The following AFG3L2 variants were observed in gnomAD, a reference collection of about 807,000 sequenced individuals.
The protein encoded by AFG3L2 is mitochondrial inner membrane m-AAA protease component AFG3L2.
AFG3L2 carries 54 observed loss-of-function variants against 94.5 expected under a neutral mutation model. The ratio of observed to expected loss-of-function variants is 0.57; its 90% CI spans 0.46 to 0.72. The LOEUF (loss-of-function observed/expected upper bound fraction) is 0.72. Ranked by LOEUF, AFG3L2 falls within the 30% of genes least tolerant of loss-of-function variation. The pLI is 0.00. For synonymous variants in AFG3L2, 377 were observed against 365.5 expected, an observed-to-expected ratio of 1.03 and a Z score of -0.36; for missense variants, 754 against 994.9, an observed-to-expected ratio of 0.76 and a Z score of 3.26.
At chr18:12,353,275 G>T in intron 9 of AFG3L2, 117 bp from the exon 10 acceptor site, 1 of 1,270,890 alleles carries the variant, frequency 7.9e-7, no homozygotes, top group Non-Finnish European at 1.1e-6. Context: ...AGCACTGTGG[G>T]AGGCCGAGGC....
intron 16 of AFG3L2, among the ~76,000 whole-genome samples, chr18:12,334,346 C>T (rs558570285): frequency 4.6e-5 from 7 of 152,290 alleles, no homozygotes; most frequent in Admixed American, 6.5e-5. Context: ...GACACTGAGA[C>T]TGTGGATGGG....
At chr18:12,360,579 C>T (rs1908628768) in intron 6 of AFG3L2, among the ~76,000 whole-genome samples, 2 of 152,184 alleles carry the variant, frequency 1.3e-5, no homozygotes, top group South Asian at 4.1e-4. Context: ...GCACCGCACC[C>T]CACTGTGCAA....
intron 12 of AFG3L2, among the ~76,000 whole-genome samples, chr18:12,349,111 T>G (rs993076099): frequency 2.6e-5 from 4 of 152,172 alleles, no homozygotes; most frequent in Non-Finnish European, 4.4e-5. Flanking sequence ...AAATAGGGAA[T>G]GGGAAAGGAT....
chr18:12,358,543 G>T, intron 8 of AFG3L2, 127 bp downstream of exon 8: 1 of 1,247,516 alleles, frequency 8.0e-7, no homozygotes, highest in Non-Finnish European at 1.1e-6. Context: ...GCAGAGGCTA[G>T]CCTAGTAAGC....
chr18:12,333,267 TATAA>T lies in AFG3L2; in HGVS notation c.2176-3488_2176-3485del, dbSNP rs1461751984. ...TTATATAAATATATAGATTATATAT[TATAA>T]ATATAGATTATATATAATATATAAA... On this transcript the variant is annotated intron_variant, in intron 16 of 16. Coordinates refer to ENST00000269143, the MANE Select transcript of AFG3L2 (RefSeq NM_006796.3). 3.1e-3 allele frequency among the ~76,000 whole-genome samples: 406 copies of T among 128,908 alleles called. 3 individuals carry two copies. The highest frequency in any genetic ancestry group is 0.019 in the South Asian group (88 of 4,608). 84.6% of individuals were successfully genotyped at this position (128,908 alleles called of 152,430 possible).
intron 16 of AFG3L2, among the ~76,000 whole-genome samples, chr18:12,331,816 T>A (rs1163848050): frequency 0.02 from 29 of 1,442 alleles, no homozygotes; most frequent in African/African-American, 0.025. Flanking sequence ...TAAATATATA[T>A]ATATATATAT....
At chr18:12,346,279 C>T (rs1450376920) in intron 13 of AFG3L2, among the ~76,000 whole-genome samples, 1 of 152,196 alleles carries the variant, frequency 6.6e-6, no homozygotes, top group Non-Finnish European at 1.5e-5. Flanking sequence ...AACTCCCTCT[C>T]TCCCAGGAGG....
chr18:12,371,129 A>G (rs543709914), intron 2 of AFG3L2, among the ~76,000 whole-genome samples: 4 of 152,246 alleles, frequency 2.6e-5, no homozygotes, highest in African/African-American at 4.8e-5. Context: ...CCTGCCCAAC[A>G]TGGCGAAACT....
chr18:12,357,955 T>G (rs543192981), intron 8 of AFG3L2, among the ~76,000 whole-genome samples: 4 of 152,322 alleles, frequency 2.6e-5, no homozygotes, highest in Non-Finnish European at 5.9e-5. Context: ...AAACGGGTAC[T>G]AAGTAAGTTA....
At chr18:12,332,793 T>C (rs1598817597) in intron 16 of AFG3L2, among the ~76,000 whole-genome samples, 2 of 146,822 alleles carry the variant, frequency 1.4e-5, no homozygotes, top group South Asian at 4.3e-4. Context: ...AAAAAAGCTT[T>C]AGGATTCATT....
chr18:12,331,699 C>T (rs1393885436), intron 16 of AFG3L2, among the ~76,000 whole-genome samples: 1 of 152,012 alleles, frequency 6.6e-6, no homozygotes, highest in Non-Finnish European at 1.5e-5. Context: ...GAGGCTGAGG[C>T]GGGAGAATTA....
At chr18:12,374,917 G>C (rs1263726541) in intron 1 of AFG3L2, among the ~76,000 whole-genome samples, 3 of 151,958 alleles carry the variant, frequency 2.0e-5, no homozygotes, top group African/African-American at 4.8e-5. Flanking sequence ...TTAGCCAGGC[G>C]TAGTGGCGGG....
At chr18:12,356,553 C>G in intron 9 of AFG3L2, 141 bp downstream of exon 9, 1 of 1,246,358 alleles carries the variant, frequency 8.0e-7, no homozygotes, top group Admixed American at 1.7e-5. Flanking sequence ...AGTCTTAGGC[C>G]TGGAGGAGAG....
chr18:12,376,785 G>A (rs1909171004), intron 1 of AFG3L2, among the ~76,000 whole-genome samples, 184 bp downstream of exon 1: 1 of 152,264 alleles, frequency 6.6e-6, no homozygotes, highest in Admixed American at 6.5e-5. Context: ...CCCACAGGCA[G>A]GGCTGAGCGC....
intron 2 of AFG3L2, 134 bp downstream of exon 2, chr18:12,371,458 G>A: frequency 1.4e-6 from 1 of 737,284 alleles, no homozygotes; most frequent in Admixed American, 2.2e-5. Flanking sequence ...ATCTACAAAT[G>A]TGTTACATTT....
Position 12,329,765 on chromosome 18 carries a change from C to A in AFG3L2, c.2194G>T (p.Glu732Ter). The part of the protein sequence containing the change: ...DVEKVALLLL[E>*]KEVLDKNDMV... ...TCATTCTTATCTAATACTTCTTTTT[C>A]TAACAACAGAAGAGCAACCTGAAAT... Residue 732 changes from glutamate (E) to a stop codon, truncating the protein, a stop_gained, in exon 17 of 17, where the codon GAA becomes TAA. Transcript: ENST00000269143. LOFTEE classifies it high-confidence loss of function. The A allele has an allele frequency of 1.2e-6, 2 of 1,613,996 alleles. No homozygotes were observed. Among genetic ancestry groups the A allele is most frequent in the Non-Finnish European group, 1.7e-6 (2 of 1,179,874 alleles).
chr18:12,354,020 C>A (rs1379790329), intron 9 of AFG3L2, among the ~76,000 whole-genome samples: 1 of 151,972 alleles, frequency 6.6e-6, no homozygotes, highest in South Asian at 2.1e-4. Flanking sequence ...ATAGCACATA[C>A]CCTCAGACAA....
At position 12,360,034 on chromosome 18, in the gene AFG3L2, A is replaced by G. The variant is rs546552156; in HGVS notation, c.645T>C (p.Asn215=). Residue 215 remains asparagine, a synonymous_variant, in exon 7 of 17, where the codon AAT becomes AAC. Coordinates refer to ENST00000269143, the MANE Select transcript of AFG3L2 (RefSeq NM_006796.3). The stretch of plus-strand genomic sequence containing the variant: ...GTTCAAAGGTGTCCACACTGCCAAT[A>G]TTAAACCAAACGTATTGCTATAAAA... ...TPVDGQYVWF[N]IGSVDTFERN... is the part of the protein sequence containing the mutation. 6.2e-7 allele frequency: 1 copy of G among 1,614,116 alleles called. No individual in the cohort carries two copies. Among genetic ancestry groups the G allele is most frequent in the African/African-American group, 1.3e-5 (1 of 75,062 alleles).
intron 16 of AFG3L2, 76 bp from the exon 17 acceptor site, chr18:12,329,859 G>T: frequency 7.7e-7 from 1 of 1,296,720 alleles, no homozygotes; most frequent in South Asian, 1.3e-5. Flanking sequence ...TTTATTTACA[G>T]GTGACCCCAT....
Sources: allele counts gnomAD v4.1 joint callset (sites outside exome capture counted in the v4.1 genomes callset), GRCh38; gene constraint gnomAD v4.1.1; transcripts MANE v1.5; gene names NCBI Gene and HGNC (gene_info 2026-07-23, HGNC 2026-07-21).